The following FA2H variants were observed in gnomAD, a reference collection of about 807,000 sequenced individuals.
The protein encoded by FA2H is fatty acid 2-hydroxylase.
Under a neutral mutation model 44.9 loss-of-function variants are expected in FA2H, and 22 were observed. The ratio of observed to expected loss-of-function variants is 0.49; its 90% CI spans 0.35 to 0.70. FA2H has a LOEUF of 0.70. Among genes scored for constraint, FA2H ranks in the 30% least tolerant of loss-of-function variants. FA2H has a pLI of 0.01. For synonymous variants in FA2H, 243 were observed against 213.2 expected, an observed-to-expected ratio of 1.14 and a Z score of -1.22; for missense variants, 501 against 504.9, an observed-to-expected ratio of 0.99 and a Z score of 0.07.
chr16:74,716,318 G>C, intron 6 of FA2H, 29 bp downstream of exon 6: 2 of 1,610,990 alleles, frequency 1.2e-6, no homozygotes, highest in South Asian at 1.1e-5. Flanking sequence ...ACACACATAG[G>C]GGGCTGGGAA....
At chr16:74,760,706 TC>T (rs1962692457) in intron 1 of FA2H, among the ~76,000 whole-genome samples, 1 of 152,218 alleles carries the variant, frequency 6.6e-6, no homozygotes, top group African/African-American at 2.4e-5. Context: ...TCCTTCTCCT[TC>T]TGTCTTCAGA....
At chr16:74,718,470 A>C (rs978961383) in intron 5 of FA2H, among the ~76,000 whole-genome samples, 7 of 152,106 alleles carry the variant, frequency 4.6e-5, no homozygotes, top group African/African-American at 1.4e-4. Context: ...AGGGTGATTG[A>C]GAGCGCAGAC....
intron 2 of FA2H, among the ~76,000 whole-genome samples, chr16:74,739,214 C>A (rs949704629): frequency 6.6e-6 from 1 of 152,170 alleles, no homozygotes; most frequent in African/African-American, 2.4e-5. Context: ...CAGGGAGGGG[C>A]CTGTCCCATT....
At chr16:74,747,543 G>C (rs904690362) in intron 1 of FA2H, among the ~76,000 whole-genome samples, 1 of 152,096 alleles carries the variant, frequency 6.6e-6, no homozygotes, top group Non-Finnish European at 1.5e-5. Context: ...TTTGGAAACA[G>C]GGTCATTGCA....
chr16:74,751,533 G>A (rs1378377731), intron 1 of FA2H, among the ~76,000 whole-genome samples: 1 of 152,070 alleles, frequency 6.6e-6, no homozygotes, highest in Non-Finnish European at 1.5e-5. Context: ...CCCAGGAAGT[G>A]ACTTCCTTAA....
At position 74,713,218 on chromosome 16, in the gene FA2H, G is replaced by C. The variant is rs1043180387; in HGVS notation, c.*972C>G. On this transcript the variant is annotated 3_prime_UTR_variant, in exon 7 of 7. Coordinates refer to ENST00000219368, the MANE Select transcript of FA2H (RefSeq NM_024306.5). Reference sequence around the variant, plus strand: ...TTTTTTACATAAGCTCAACATGTAGGATTAGAAAGGGCCGTCTGACCAGCT... The same window carrying C: ...TTTTTTACATAAGCTCAACATGTAGCATTAGAAAGGGCCGTCTGACCAGCT... 5.2e-5 allele frequency: 8 copies of C among 152,658 alleles called. No individual in the cohort carries two copies. Among genetic ancestry groups the C allele is most frequent in the Non-Finnish European group, 1.2e-4 (8 of 68,048 alleles). 9.5% of individuals were successfully genotyped at this position (152,658 alleles called of 1,614,324 possible).
chr16:74,766,696 T>A (rs1444306199), intron 1 of FA2H, among the ~76,000 whole-genome samples: 2 of 152,126 alleles, frequency 1.3e-5, no homozygotes, highest in Non-Finnish European at 1.5e-5. Context: ...CTCTTCTTGC[T>A]CCAGTTACTC....
chr16:74,740,260 T>G, intron 1 of FA2H, 145 bp from the exon 2 acceptor site: 1 of 719,848 alleles, frequency 1.4e-6, no homozygotes, highest in Non-Finnish European at 2.5e-6. Flanking sequence ...GCTGGGTACT[T>G]TGGAAAACAG....
chr16:74,760,478 C>A (rs138277065), intron 1 of FA2H, among the ~76,000 whole-genome samples: 3 of 152,314 alleles, frequency 2.0e-5, no homozygotes, highest in African/African-American at 4.8e-5. Context: ...TACACTCTGA[C>A]CCACACTCCC....
At position 74,716,798 on chromosome 16, in the gene FA2H, G is replaced by A. The variant is rs796546956; in HGVS notation, c.787-199C>T. On this transcript the variant is annotated intron_variant, in intron 5 of 6. Transcript: ENST00000219368. ...AGAGACTGTCTTACTTCCCATTTGT[G>A]AGCCAGGAAGGGACCTGGCAGATTG... 62 of 587,326 alleles carry A rather than the reference G, an allele frequency of 1.1e-4. No homozygotes were observed. In the African/African-American group the frequency reaches 1.1e-3, roughly 10 times the overall value. 36.4% of individuals were successfully genotyped at this position (587,326 alleles called of 1,614,324 possible).
At chr16:74,767,952 A>G (rs917881643) in intron 1 of FA2H, among the ~76,000 whole-genome samples, 9 of 152,170 alleles carry the variant, frequency 5.9e-5, no homozygotes, top group African/African-American at 2.4e-5. Context: ...TAAGGTGAGC[A>G]CTGACCACCG....
chr16:74,718,561 T>C (rs796611630), intron 5 of FA2H, among the ~76,000 whole-genome samples: 1 of 152,180 alleles, frequency 6.6e-6, no homozygotes, highest in Non-Finnish European at 1.5e-5. Flanking sequence ...CTCCTAGGCC[T>C]CAGTCTCCTG....
intron 2 of FA2H, among the ~76,000 whole-genome samples, chr16:74,727,816 C>T (rs1961991279): frequency 1.3e-5 from 2 of 152,222 alleles, no homozygotes; most frequent in African/African-American, 4.8e-5. Flanking sequence ...GCTCAGGACT[C>T]TTGAGGTACA....
intron 1 of FA2H, among the ~76,000 whole-genome samples, chr16:74,772,025 A>G (rs1962917979): frequency 1.4e-5 from 2 of 147,482 alleles, no homozygotes; most frequent in Admixed American, 1.4e-4. Flanking sequence ...ATCTTGGCTC[A>G]CTGCAACCTC....
At chr16:74,739,849 G>A (rs564663545) in intron 2 of FA2H, among the ~76,000 whole-genome samples, 174 bp downstream of exon 2, 1 of 152,250 alleles carries the variant, frequency 6.6e-6, no homozygotes, top group South Asian at 2.1e-4. Flanking sequence ...CCACACCCCT[G>A]CCGGAGTTTG....
intron 1 of FA2H, among the ~76,000 whole-genome samples, chr16:74,749,020 A>AG (rs1283187322): frequency 6.6e-6 from 1 of 152,090 alleles, no homozygotes; most frequent in Non-Finnish European, 1.5e-5. Flanking sequence ...GCAGCTAGGA[A>AG]GGGGCAGGCC....
intron 1 of FA2H, among the ~76,000 whole-genome samples, chr16:74,741,802 A>ATGTG (rs1331477533): frequency 7.6e-4 from 54 of 71,226 alleles, no homozygotes; most frequent in Non-Finnish European, 1.1e-3. Context: ...ATATATATAT[A>ATGTG]TATATATGTG....
intron 6 of FA2H, among the ~76,000 whole-genome samples, chr16:74,715,737 A>G (rs571798501): frequency 6.6e-6 from 1 of 152,220 alleles, no homozygotes; most frequent in African/African-American, 2.4e-5. Flanking sequence ...GGCCCACATA[A>G]TATGTCAGTG....
intron 4 of FA2H, among the ~76,000 whole-genome samples, chr16:74,720,697 T>C (rs1026193791): frequency 1.3e-5 from 2 of 152,038 alleles, no homozygotes; most frequent in African/African-American, 4.8e-5. Flanking sequence ...TTTTATCACT[T>C]CCCCGCCAAG....
Sources: allele counts gnomAD v4.1 joint callset (sites outside exome capture counted in the v4.1 genomes callset), GRCh38; gene constraint gnomAD v4.1.1; transcripts MANE v1.5; gene names NCBI Gene and HGNC (gene_info 2026-07-23, HGNC 2026-07-21).